Variants in CNTLN observed in about 807,000 individuals in gnomAD.
CNTLN encodes the protein centlein, centrosomal protein.
In CNTLN, 212 loss-of-function variants were observed where a neutral mutation model predicts 180.0. The observed-to-expected ratio is 1.18, with a 90% confidence interval of 1.05 to 1.32. The LOEUF (loss-of-function observed/expected upper bound fraction) is 1.32. CNTLN is among the 40% of genes most tolerant of loss of function. The pLI is 0.00. For missense variants in CNTLN, 2,095 were observed against 1,610.9 expected, an observed-to-expected ratio of 1.30 and a Z score of -5.14; for synonymous variants, 722 against 563.1, an observed-to-expected ratio of 1.28 and a Z score of -3.99.
intron 25 of CNTLN, among the ~76,000 whole-genome samples, chr9:17,496,913 G>A (rs1833485674): frequency 6.6e-6 from 1 of 152,146 alleles, no homozygotes; most frequent in South Asian, 2.1e-4. Context: ...CTGAATACCA[G>A]TATTAAGATG....
chr9:17,201,300 T>C (rs188038759), intron 2 of CNTLN, among the ~76,000 whole-genome samples: 1 of 152,292 alleles, frequency 6.6e-6, no homozygotes, highest in African/African-American at 2.4e-5. Flanking sequence ...TTTTCCTTTT[T>C]TTGTTGTGTC....
At chr9:17,526,096 C>T in the CNTLN span, among the ~76,000 whole-genome samples, 1 of 152,132 alleles carries the variant, frequency 6.6e-6, no homozygotes. Flanking sequence ...CCACCACACC[C>T]AGCTAATTTT....
rs757068916 is a variant in CNTLN, at chr9:17,273,481, T to A, written c.850-252T>A. 7.9e-4 allele frequency among the ~76,000 whole-genome samples: 120 copies of A among 152,312 alleles called. 1 individual carries two copies. The highest frequency in any genetic ancestry group is 1.5e-3 in the South Asian group (7 of 4,822). On this transcript the variant is annotated intron_variant, in intron 5 of 25. Transcript: ENST00000380647. ...AATAATTTAATAACTACATTTTTTA[T>A]ACATATCTTCTAGTTTATTTGCTTC... is the stretch of plus-strand genomic sequence containing the variant.
chr9:17,508,955 A>G, the CNTLN span, among the ~76,000 whole-genome samples: 1 of 152,222 alleles, frequency 6.6e-6, no homozygotes, highest in Non-Finnish European at 1.5e-5. Context: ...ATGTGAAGAT[A>G]TTTACATCCC....
chr9:17,518,770 CT>C, the CNTLN span, among the ~76,000 whole-genome samples: 1 of 152,180 alleles, frequency 6.6e-6, no homozygotes, highest in Non-Finnish European at 1.5e-5. Flanking sequence ...TCCCTACCTT[CT>C]CCTTCCTGCC....
chr9:17,399,122 T>G (rs1453932635), intron 15 of CNTLN, among the ~76,000 whole-genome samples: 1 of 152,216 alleles, frequency 6.6e-6, no homozygotes, highest in African/African-American at 2.4e-5. Flanking sequence ...TATCACTTCT[T>G]TAAATAGTTG....
At chr9:17,258,329 T>A (rs1826673705) in intron 5 of CNTLN, among the ~76,000 whole-genome samples, 1 of 149,244 alleles carries the variant, frequency 6.7e-6, no homozygotes, top group South Asian at 2.1e-4. Flanking sequence ...TCTGTTCCAT[T>A]GATCTATATC....
intron 12 of CNTLN, among the ~76,000 whole-genome samples, chr9:17,360,472 G>C (rs74737777): frequency 6.6e-6 from 1 of 152,122 alleles, no homozygotes; most frequent in Non-Finnish European, 1.5e-5. Flanking sequence ...AGACAGGCTA[G>C]GGTGATCAGA....
chr9:17,351,389 A>G (rs557109368), intron 12 of CNTLN, among the ~76,000 whole-genome samples: 1 of 152,296 alleles, frequency 6.6e-6, no homozygotes, highest in East Asian at 1.9e-4. Context: ...GTATATCCAA[A>G]TGTCTACACA....
intron 8 of CNTLN, among the ~76,000 whole-genome samples, chr9:17,328,388 G>A (rs10963037): frequency 0.045 from 6,908 of 152,128 alleles, 213 homozygotes; most frequent in South Asian, 0.15. Context: ...TTTGCTTTTC[G>A]TGAAAAATCA....
chr9:17,346,475 C>G (rs1049754814), intron 12 of CNTLN, among the ~76,000 whole-genome samples: 1 of 152,212 alleles, frequency 6.6e-6, no homozygotes, highest in African/African-American at 2.4e-5. Context: ...GACCATATCA[C>G]TACTGAATGG....
intron 13 of CNTLN, among the ~76,000 whole-genome samples, chr9:17,374,831 G>T (rs188695442): frequency 1.1e-4 from 16 of 151,358 alleles, no homozygotes; most frequent in African/African-American, 3.9e-4. Flanking sequence ...CTGCACTCCA[G>T]CCTGGGTGAC....
chr9:17,327,719 C>T (rs993108981), intron 8 of CNTLN, among the ~76,000 whole-genome samples: 4 of 152,006 alleles, frequency 2.6e-5, no homozygotes, highest in South Asian at 2.1e-4. Context: ...TTTGGGAGGC[C>T]GAGGCAGGTG....
chr9:17,453,136 A>T (rs957790961), intron 18 of CNTLN, among the ~76,000 whole-genome samples: 1 of 152,100 alleles, frequency 6.6e-6, no homozygotes, highest in Admixed American at 6.5e-5. Context: ...ACACAGCAAG[A>T]TCCCATATCT....
intron 5 of CNTLN, among the ~76,000 whole-genome samples, chr9:17,246,330 A>G (rs1223998026): frequency 6.6e-6 from 1 of 152,152 alleles, no homozygotes; most frequent in Non-Finnish European, 1.5e-5. Flanking sequence ...GTCTTGTGTG[A>G]TATCCGGGAG....
chr9:17,427,640 C>G (rs1829174751), intron 18 of CNTLN, among the ~76,000 whole-genome samples: 1 of 152,118 alleles, frequency 6.6e-6, no homozygotes, highest in Non-Finnish European at 1.5e-5. Context: ...CCTTTTCCCA[C>G]TTAATATTTT....
chr9:17,358,084 A>G (rs1822991906), intron 12 of CNTLN, among the ~76,000 whole-genome samples: 1 of 152,054 alleles, frequency 6.6e-6, no homozygotes. Flanking sequence ...TCTAGGGAAT[A>G]TAAAAACCCT....
the CNTLN span, among the ~76,000 whole-genome samples, chr9:17,510,359 A>T: frequency 6.6e-6 from 1 of 152,232 alleles, no homozygotes; most frequent in African/African-American, 2.4e-5. Flanking sequence ...CCATATTTTG[A>T]AATGAATATG....
downstream of CNTLN, among the ~76,000 whole-genome samples, chr9:17,504,982 A>T (rs1463603402): frequency 6.6e-6 from 1 of 152,166 alleles, no homozygotes; most frequent in Non-Finnish European, 1.5e-5. Context: ...ATCTGTTTAG[A>T]AGTTTTACAT....
Sources: allele counts gnomAD v4.1 joint callset (sites outside exome capture counted in the v4.1 genomes callset), GRCh38; gene constraint gnomAD v4.1.1; transcripts MANE v1.5; gene names NCBI Gene and HGNC (gene_info 2026-07-23, HGNC 2026-07-21).